Variants in SKP1 observed in about 807,000 individuals in gnomAD.
The protein encoded by SKP1 is S-phase kinase associated protein 1, also known as S-phase kinase-associated protein 1.
A neutral mutation model predicts 21.5 loss-of-function variants in SKP1; 1 was observed. The observed-to-expected ratio is 0.05, with a 90% CI of 0.02 to 0.22. The LOEUF (loss-of-function observed/expected upper bound fraction) is 0.22, where lower values mean the gene tolerates loss of function less well. SKP1 is among the 10% of genes least tolerant of loss of function. The probability of loss-of-function intolerance (pLI) is 1.00; values close to 1 mark genes in which losing one functional copy is unlikely to be tolerated. For missense variants in SKP1, 70 were observed against 192.0 expected (o/e 0.36, Z 3.76); for synonymous variants, 59 against 59.3 (o/e 0.99, Z 0.03).
chr5:134,162,666 C>T (rs1434786930), intron 3 of SKP1, among the ~76,000 whole-genome samples: 1 of 152,088 alleles, frequency 6.6e-6, no homozygotes, highest in Admixed American at 6.5e-5. Context: ...GGATTACAGG[C>T]GTGAGCCACT....
chr5:134,158,640 A>C, intron 4 of SKP1, 45 bp from the exon 5 acceptor site: 1 of 1,545,852 alleles, frequency 6.5e-7, no homozygotes. Flanking sequence ...TTGATGTTTT[A>C]AACTAAATCC....
In SKP1 at chr5:134,156,409, G is replaced by A. The variant is rs1466150328; in HGVS notation, c.*1324C>T. ...ATTGGAATTAAGTGAGACAACATATGGGACTTTATTAAATAAGGTGAATTT... is the reference window on the plus strand; with the variant it reads ...ATTGGAATTAAGTGAGACAACATATAGGACTTTATTAAATAAGGTGAATTT... On this transcript the variant is annotated 3_prime_UTR_variant, in exon 6 of 6. Transcript: ENST00000353411. 2.0e-5 allele frequency: 3 copies of A among 152,154 alleles called. No homozygotes were observed. Among genetic ancestry groups the A allele is most frequent in the Non-Finnish European group, 4.4e-5 (3 of 68,034 alleles). 9.4% of individuals were successfully genotyped at this position (152,154 alleles called of 1,614,324 possible). A position where few individuals can be genotyped will look rare whatever the true frequency, so the allele number is the denominator to read the frequency against.
chr5:134,176,282 G>C (rs1761544070), intron 1 of SKP1, among the ~76,000 whole-genome samples: 1 of 152,140 alleles, frequency 6.6e-6, no homozygotes, highest in East Asian at 1.9e-4. Context: ...GCAGAAAGCC[G>C]GCGCCCGCAC....
Position 134,153,416 on chromosome 5 carries a change from G to C in SKP1, c.*4317C>G, listed in dbSNP as rs1222035487. 1 of 152,614 alleles carries C rather than the reference G, an allele frequency of 6.6e-6. No homozygotes were observed. Among genetic ancestry groups the C allele is most frequent in the African/African-American group, 2.4e-5 (1 of 41,452 alleles). 9.5% of individuals were successfully genotyped at this position (152,614 alleles called of 1,614,324 possible). On this transcript the variant is annotated 3_prime_UTR_variant, in exon 6 of 6. Transcript: ENST00000353411. Reference sequence around the variant, plus strand: ...GGACTGTTGGAGCCCAAGAGTTCGAGGCTGCAATGAGCTGTGATCACATCA... The same window carrying C: ...GGACTGTTGGAGCCCAAGAGTTCGACGCTGCAATGAGCTGTGATCACATCA...
intron 3 of SKP1, among the ~76,000 whole-genome samples, chr5:134,165,072 G>T (rs555340719): frequency 7.1e-6 from 1 of 140,122 alleles, no homozygotes; most frequent in African/African-American, 2.9e-5. Context: ...TTTTTTTGAG[G>T]GGGGAGGGTG....
At chr5:134,164,241 G>T (rs57200861) in intron 3 of SKP1, among the ~76,000 whole-genome samples, 15,462 of 149,400 alleles carry the variant, frequency 0.1, 998 homozygotes, top group African/African-American at 0.17. Context: ...ACTGCTTAAA[G>T]CCCGGAGGCA....
Position 134,151,768 on chromosome 5 carries a change from A to G in SKP1, c.*5965T>C, listed in dbSNP as rs1162756232. On this transcript the variant is annotated 3_prime_UTR_variant, in exon 6 of 6. Transcript: ENST00000353411. ...AGAATGCTGCTCAATACTGGCACAC[A>G]GACCAGAGGTAGCCAGCAGTACACA... 6.7e-6 allele frequency: 3 copies of G among 447,390 alleles called. No individual in the cohort carries two copies. The highest frequency in any genetic ancestry group is 4.7e-5 in the South Asian group (3 of 63,796). The allele number at this position is 447,390 out of a possible 1,614,324, so 27.7% of individuals were successfully genotyped here.
chr5:134,164,217 G>A (rs1321115868), intron 3 of SKP1, among the ~76,000 whole-genome samples: 1 of 151,322 alleles, frequency 6.6e-6, no homozygotes, highest in African/African-American at 2.4e-5. Context: ...AGCTACTGAG[G>A]CTGAAGCAGG....
intron 3 of SKP1, 114 bp from the exon 4 acceptor site, chr5:134,161,244 C>A: frequency 1.1e-6 from 1 of 873,878 alleles, no homozygotes; most frequent in Non-Finnish European, 1.7e-6. Context: ...TTGACTTGAG[C>A]CATTAACAGC....
At chr5:134,169,231 G>A (rs1044724510) in intron 2 of SKP1, among the ~76,000 whole-genome samples, 2 of 152,250 alleles carry the variant, frequency 1.3e-5, no homozygotes, top group South Asian at 2.1e-4. Context: ...CCAGTGGAGC[G>A]GTAAAGATGA....
rs756575952 is a variant in SKP1 at position 134,151,652 on chromosome 5, C to G, written c.*6081G>C. 4 of 455,972 alleles carry G rather than the reference C, an allele frequency of 8.8e-6. No individual in the cohort carries two copies. Among genetic ancestry groups the G allele is most frequent in the South Asian group, 6.2e-5 (4 of 64,536 alleles). 28.2% of individuals were successfully genotyped at this position (455,972 alleles called of 1,614,324 possible). A position where few individuals can be genotyped will look rare whatever the true frequency, so the allele number is the denominator to read the frequency against. ...AAGGTCTGAATATACTTAAATACTT[C>G]CAGAAAATTTAAAGTTGACAGATAT... On this transcript the variant is annotated 3_prime_UTR_variant, in exon 6 of 6. Coordinates refer to ENST00000353411, the MANE Select transcript of SKP1 (RefSeq NM_170679.3).
chr5:134,152,251 G>A lies in SKP1; in HGVS notation c.*5482C>T, dbSNP rs1191438619. On this transcript the variant is annotated 3_prime_UTR_variant, in exon 6 of 6. Coordinates refer to ENST00000353411, the MANE Select transcript of SKP1 (RefSeq NM_170679.3). Reference sequence around the variant, plus strand: ...TCACTCAAAAATTGCCCTGCCTAATGTGGGTCTGATGAATAAATGCTGATA... The same window carrying A: ...TCACTCAAAAATTGCCCTGCCTAATATGGGTCTGATGAATAAATGCTGATA... The A allele has an allele frequency of 6.6e-6, 1 of 152,306 alleles. No homozygotes were observed. The highest frequency in any genetic ancestry group is 1.5e-5 in the Non-Finnish European group (1 of 68,132). 9.4% of individuals were successfully genotyped at this position (152,306 alleles called of 1,614,324 possible).
intron 3 of SKP1, among the ~76,000 whole-genome samples, chr5:134,165,656 G>A (rs188871994): frequency 8.7e-4 from 131 of 150,126 alleles, no homozygotes; most frequent in African/African-American, 3.0e-3. Context: ...GGAGGCCAAG[G>A]TGGGCAGATC....
rs528941395 is a variant in SKP1 at position 134,156,919 on chromosome 5, G to A, written c.*814C>T. The A allele has an allele frequency of 4.3e-4, 66 of 152,678 alleles. No homozygotes were observed. The highest frequency in any genetic ancestry group is 3.4e-3 in the Middle Eastern group (1 of 294). 9.5% of individuals were successfully genotyped at this position (152,678 alleles called of 1,614,324 possible). Reference sequence around the variant, plus strand: ...ATTGAAAGTATCTTGCATTCATGATGGATGCTTTCTGGGTTTTACCACATA... The same window carrying A: ...ATTGAAAGTATCTTGCATTCATGATAGATGCTTTCTGGGTTTTACCACATA... On this transcript the variant is annotated 3_prime_UTR_variant, in exon 6 of 6. Transcript: ENST00000353411.
chr5:134,163,472 C>A (rs1761260469), intron 3 of SKP1, among the ~76,000 whole-genome samples: 1 of 147,430 alleles, frequency 6.8e-6, no homozygotes, highest in Non-Finnish European at 1.5e-5. Context: ...GATATATATT[C>A]AATACAAACA....
At chr5:134,175,421 T>C (rs1309707478) in intron 1 of SKP1, 2 of 152,216 alleles carry the variant, frequency 1.3e-5, no homozygotes, top group African/African-American at 2.4e-5. Flanking sequence ...TAGAGGACCC[T>C]TCCTGTGACA....
At chr5:134,160,825 CCATTTA>C (rs1761207132) in intron 4 of SKP1, among the ~76,000 whole-genome samples, 156 bp downstream of exon 4, 1 of 152,138 alleles carries the variant, frequency 6.6e-6, no homozygotes, top group Non-Finnish European at 1.5e-5. Flanking sequence ...TGTGTTTAGA[CCATTTA>C]CATTTAGTGT....
chr5:134,169,387 A>G (rs368439747), intron 2 of SKP1, among the ~76,000 whole-genome samples: 1 of 152,248 alleles, frequency 6.6e-6, no homozygotes, highest in Non-Finnish European at 1.5e-5. Context: ...GTAAAGCTCT[A>G]TGTAGAACAA....
rs1455707851 is a variant in SKP1 at position 134,153,842 on chromosome 5, C to T, written c.*3891G>A. ...TAAGTGAGATGCCCACAGTGACTCACTGTTACTATCCTCCCTCCCCAGCTA... is the reference window on the plus strand; with the variant it reads ...TAAGTGAGATGCCCACAGTGACTCATTGTTACTATCCTCCCTCCCCAGCTA... On this transcript the variant is annotated 3_prime_UTR_variant, in exon 6 of 6. Coordinates refer to ENST00000353411, the MANE Select transcript of SKP1 (RefSeq NM_170679.3). 3 of 152,214 alleles carry T rather than the reference C, an allele frequency of 2.0e-5. No homozygotes were observed. The highest frequency in any genetic ancestry group is 4.4e-5 in the Non-Finnish European group (3 of 68,046). The allele number at this position is 152,214 out of a possible 1,614,324, so 9.4% of individuals were successfully genotyped here.
Sources: gnomAD v4.1 joint callset for allele counts (sites outside exome capture counted in the v4.1 genomes callset) on GRCh38, gnomAD v4.1.1 for gene constraint, MANE v1.5 for transcripts, NCBI Gene and HGNC (gene_info 2026-07-23, HGNC 2026-07-21) for gene names.